PDS5A: variants seen among roughly 807,000 people sequenced by gnomAD.
PDS5A encodes the protein PDS5 cohesin associated factor A.
A neutral mutation model predicts 167.1 loss-of-function variants in PDS5A; 42 were observed. The ratio of observed to expected loss-of-function variants is 0.25; its 90% CI spans 0.20 to 0.33. The LOEUF (loss-of-function observed/expected upper bound fraction) is 0.33, where lower values mean the gene tolerates loss of function less well. PDS5A is among the 10% of genes least tolerant of loss of function. The pLI is 1.00. For synonymous variants in PDS5A, 553 were observed against 554.6 expected (o/e 1.00, Z 0.04); for missense variants, 1,033 against 1,605.9 (o/e 0.64, Z 6.10).
intron 22 of PDS5A, among the ~76,000 whole-genome samples, chr4:39,867,996 C>A (rs1407787549): frequency 1.3e-5 from 2 of 151,888 alleles, no homozygotes; most frequent in Non-Finnish European, 2.9e-5. Flanking sequence ...GCCAAAAAAT[C>A]AAAGTATTAT....
rs144996815 is a variant in PDS5A, at chr4:39,878,176, A to G, written c.1993-1023T>C. 8.1e-4 allele frequency among the ~76,000 whole-genome samples: 123 copies of G among 152,292 alleles called. 1 individual carries two copies. In the East Asian group the frequency reaches 0.019, roughly 24 times the overall value. ...GGTCTTCATTAATTTTTCAATAAGC[A>G]CTTATTTAATGGTCATTAAGTGTAG... On this transcript the variant is annotated intron_variant, in intron 18 of 32. Transcript: ENST00000303538.
At chr4:39,897,516 A>T (rs1722521670) in intron 16 of PDS5A, among the ~76,000 whole-genome samples, 1 of 152,112 alleles carries the variant, frequency 6.6e-6, no homozygotes, top group Admixed American at 6.5e-5. Flanking sequence ...CTCCTGTCTC[A>T]GCCTCTTGAG....
intron 2 of PDS5A, among the ~76,000 whole-genome samples, chr4:39,944,026 A>G (rs992090720): frequency 6.6e-6 from 1 of 151,500 alleles, no homozygotes; most frequent in African/African-American, 2.4e-5. Context: ...AAAAACAAAA[A>G]AATTAGCGGG....
At chr4:39,839,357 G>C (rs1291479678) in intron 31 of PDS5A, among the ~76,000 whole-genome samples, 2 of 151,994 alleles carry the variant, frequency 1.3e-5, no homozygotes, top group African/African-American at 4.8e-5. Flanking sequence ...GGATCACGAG[G>C]TCAGGAGTTC....
chr4:39,869,180 A>G (rs949177442), intron 22 of PDS5A, among the ~76,000 whole-genome samples: 1 of 152,214 alleles, frequency 6.6e-6, no homozygotes, highest in Non-Finnish European at 1.5e-5. Context: ...TTAATTAAAA[A>G]AGGCTCCCAG....
chr4:39,895,550 T>A (rs889407916), intron 16 of PDS5A, among the ~76,000 whole-genome samples: 3 of 152,108 alleles, frequency 2.0e-5, no homozygotes, highest in African/African-American at 7.2e-5. Flanking sequence ...AGTGAGTAAG[T>A]GGTGAGTGAA....
chr4:39,848,799 T>C, intron 28 of PDS5A, 52 bp downstream of exon 28: 1 of 1,466,844 alleles, frequency 6.8e-7, no homozygotes, highest in Non-Finnish European at 9.4e-7. Flanking sequence ...TGATGGTAAT[T>C]GACATTGAAA....
chr4:39,952,659 A>T (rs563875069), intron 2 of PDS5A, among the ~76,000 whole-genome samples: 1 of 151,842 alleles, frequency 6.6e-6, no homozygotes, highest in African/African-American at 2.4e-5. Context: ...ATTTTATAAC[A>T]TGTGATACAT....
At chr4:39,825,564 C>A in intron 32 of PDS5A, 76 bp from the exon 33 acceptor site, 1 of 1,051,604 alleles carries the variant, frequency 9.5e-7, no homozygotes, top group Non-Finnish European at 1.4e-6. Context: ...GATTTCATTT[C>A]CATAGTTGTT....
Position 39,890,373 on chromosome 4 carries a change from A to G in PDS5A, c.1771-9T>C. 6.9e-7 allele frequency: 1 copy of G among 1,451,420 alleles called. No homozygotes were observed. Among genetic ancestry groups the G allele is most frequent in the Non-Finnish European group, 9.5e-7 (1 of 1,057,540 alleles). 89.9% of individuals were successfully genotyped at this position (1,451,420 alleles called of 1,614,324 possible). A position where few individuals can be genotyped will look rare whatever the true frequency, so the allele number is the denominator to read the frequency against. Reference sequence around the variant, plus strand: ...TTCCGGGCTATTTCTCTCTATAGAAAGAAAGGAGTTTTACCAAAAACGTGA... The same window carrying G: ...TTCCGGGCTATTTCTCTCTATAGAAGGAAAGGAGTTTTACCAAAAACGTGA... On this transcript the variant is annotated splice_polypyrimidine_tract_variant and intron_variant, in intron 16 of 32. Coordinates refer to ENST00000303538, the MANE Select transcript of PDS5A (RefSeq NM_001100399.2).
intron 2 of PDS5A, among the ~76,000 whole-genome samples, chr4:39,944,816 G>A (rs1727596743): frequency 6.6e-6 from 1 of 151,976 alleles, no homozygotes; most frequent in African/African-American, 2.4e-5. Flanking sequence ...TTGTAAGATG[G>A]AAGAATAAAA....
At chr4:39,972,981 T>C (rs1730701468) in intron 2 of PDS5A, 1 of 391,802 alleles carries the variant, frequency 2.6e-6, no homozygotes, top group Non-Finnish European at 4.8e-6. Flanking sequence ...GACCTGGCAT[T>C]TGCTCGGTAC....
intron 26 of PDS5A, among the ~76,000 whole-genome samples, chr4:39,857,812 C>T (rs1228692153): frequency 6.6e-6 from 1 of 152,026 alleles, no homozygotes; most frequent in Non-Finnish European, 1.5e-5. Context: ...ACTGGAGACA[C>T]CAATAACCCA....
intron 2 of PDS5A, among the ~76,000 whole-genome samples, chr4:39,960,676 C>G (rs1374733034): frequency 2.0e-5 from 3 of 151,122 alleles, no homozygotes; most frequent in African/African-American, 7.3e-5. Flanking sequence ...CTACAGGCAC[C>G]TGCCACCATA....
chr4:39,950,759 T>A (rs1197126194), intron 2 of PDS5A, among the ~76,000 whole-genome samples: 1 of 151,934 alleles, frequency 6.6e-6, no homozygotes, highest in African/African-American at 2.4e-5. Flanking sequence ...GGCTAACTTT[T>A]GTATTTTTAG....
At chr4:39,893,361 C>A (rs958516759) in intron 16 of PDS5A, among the ~76,000 whole-genome samples, 1 of 152,150 alleles carries the variant, frequency 6.6e-6, no homozygotes, top group Non-Finnish European at 1.5e-5. Flanking sequence ...TTTTGATAAT[C>A]TTTGCTCAAA....
At chr4:39,899,657 G>A (rs2109647663) in intron 14 of PDS5A, among the ~76,000 whole-genome samples, 1 of 152,002 alleles carries the variant, frequency 6.6e-6, no homozygotes, top group Admixed American at 6.6e-5. Flanking sequence ...GACCAGCCTG[G>A]GAAACATGGT....
chr4:39,920,984 A>G (rs1320401735), intron 6 of PDS5A, among the ~76,000 whole-genome samples: 1 of 152,204 alleles, frequency 6.6e-6, no homozygotes, highest in East Asian at 1.9e-4. Flanking sequence ...TTTTTTTTAA[A>G]TGCCTGAAAA....
At chr4:39,973,120 G>A in intron 2 of PDS5A, 1 of 819,290 alleles carries the variant, frequency 1.2e-6, no homozygotes, top group East Asian at 2.4e-5. Flanking sequence ...CGTGGTCTCT[G>A]ATCAATTTTA....
Sources: allele counts gnomAD v4.1 joint callset (sites outside exome capture counted in the v4.1 genomes callset), GRCh38; gene constraint gnomAD v4.1.1; transcripts MANE v1.5; gene names NCBI Gene and HGNC (gene_info 2026-07-23, HGNC 2026-07-21).